The following OTUD1 variants were observed in gnomAD, a reference collection of about 807,000 sequenced individuals.
The protein encoded by OTUD1 is OTU domain-containing protein 1.
Under a neutral mutation model 30.0 loss-of-function variants are expected in OTUD1, and 15 were observed. The ratio of observed to expected loss-of-function variants is 0.50; its 90% confidence interval spans 0.33 to 0.77. OTUD1 has a LOEUF of 0.77. OTUD1 is among the 30% of genes least tolerant of loss of function. The pLI, the probability that OTUD1 is intolerant of heterozygous loss-of-function variation, is 0.02. For synonymous variants in OTUD1, 381 were observed against 326.3 expected (o/e 1.17, Z -1.81); for missense variants, 796 against 697.8 (o/e 1.14, Z -1.59).
rs1847116334 is a variant in OTUD1 at position 23,440,525 on chromosome 10, CCT to C, written c.1069_1070del (p.Leu357AspfsTer2). ...IADHLDHFSP[L>X]IEGDVGEFII... Reference sequence around the variant, plus strand: ...CCGACCATCTCGACCACTTCAGCCCCCTGATTGAGGGCGACGTGGGGGAGTTT... The same window carrying C: ...CCGACCATCTCGACCACTTCAGCCCCGATTGAGGGCGACGTGGGGGAGTTT... On this transcript the variant is annotated frameshift_variant, in exon 1 of 1. Coordinates refer to ENST00000376495, the MANE Select transcript of OTUD1 (RefSeq NM_001145373.3). LOFTEE classifies it high-confidence loss of function. 6.4e-7 allele frequency: 1 copy of C among 1,551,752 alleles called. No homozygotes were observed. Among genetic ancestry groups the C allele is most frequent in the Non-Finnish European group, 8.7e-7 (1 of 1,147,012 alleles).
Position 23,441,211 on chromosome 10 carries a change from C to A in OTUD1, c.*308C>A, listed in dbSNP as rs1000744107. ...TTGTTCATTCCTGGTAGTCTATTTT[C>A]TATAAAAATGTATTTTTGCACAACA... On this transcript the variant is annotated 3_prime_UTR_variant, in exon 1 of 1. Coordinates refer to ENST00000376495, the MANE Select transcript of OTUD1 (RefSeq NM_001145373.3). 4.0e-5 allele frequency: 12 copies of A among 299,884 alleles called. No homozygotes were observed. The Admixed American group carries it at 4.7e-4, about 12-fold the overall frequency. 18.6% of individuals were successfully genotyped at this position (299,884 alleles called of 1,614,324 possible). A position where few individuals can be genotyped will look rare whatever the true frequency, so the allele number is the denominator to read the frequency against.
In OTUD1 at chr10:23,440,310, C is replaced by T; in HGVS notation, c.853C>T (p.Pro285Ser). The stretch of plus-strand genomic sequence containing the variant: ...GCCGGTGATCGTCTCCAGGTCGGAT[C>T]CCAGAGACGAGAAGCTGGCCCTATA... ...AEPVIVSRSD[P>S]RDEKLALYLA... is the part of the protein sequence containing the mutation. Residue 285 changes from proline to serine, a missense_variant, in exon 1 of 1, where the codon CCC (proline) becomes TCC (serine). Pro to Ser is a moderately conservative substitution (Grantham distance 74). Transcript: ENST00000376495. The T allele has an allele frequency of 1.3e-6, 2 of 1,551,016 alleles. No individual in the cohort carries two copies. Among genetic ancestry groups the T allele is most frequent in the Non-Finnish European group, 1.7e-6 (2 of 1,146,894 alleles).
chr10:23,440,038 G>A lies in OTUD1; in HGVS notation c.581G>A (p.Arg194Gln). ...ATREGPDRNF[R>Q]LSEHRQALAA... is the part of the protein sequence containing the mutation. Reference sequence around the variant, plus strand: ...CGGGAGGGGCCCGATCGGAACTTCCGACTGAGCGAGCACCGCCAGGCCCTG... The same window carrying A: ...CGGGAGGGGCCCGATCGGAACTTCCAACTGAGCGAGCACCGCCAGGCCCTG... Residue 194 changes from arginine to glutamine, a missense_variant, in exon 1 of 1, where the codon CGA (arginine) becomes CAA (glutamine). Physicochemically the swap from Arg to Gln is conservative, Grantham distance 43. Coordinates refer to ENST00000376495, the MANE Select transcript of OTUD1 (RefSeq NM_001145373.3). The A allele has an allele frequency of 2.8e-6, 4 of 1,450,174 alleles. No individual in the cohort carries two copies. Among genetic ancestry groups the A allele is most frequent in the Non-Finnish European group, 3.6e-6 (4 of 1,107,262 alleles). The allele number at this position is 1,450,174 out of a possible 1,614,324, so 89.8% of individuals were successfully genotyped here. A position where few individuals can be genotyped will look rare whatever the true frequency, so the allele number is the denominator to read the frequency against.
At position 23,440,021 on chromosome 10, in the gene OTUD1, G is replaced by A; in HGVS notation, c.564G>A (p.Gly188=). ...CGGGCTTGGACGCGACACGGGAGGG[G>A]CCCGATCGGAACTTCCGACTGAGCG... The part of the protein sequence containing the change: ...EPAGLDATRE[G]PDRNFRLSEH... Residue 188 remains glycine, a synonymous_variant, in exon 1 of 1, where the codon GGG becomes GGA. Coordinates refer to ENST00000376495, the MANE Select transcript of OTUD1 (RefSeq NM_001145373.3). The A allele has an allele frequency of 6.9e-7, 1 of 1,443,048 alleles. No homozygotes were observed. The highest frequency in any genetic ancestry group is 2.6e-5 in the Admixed American group (1 of 38,196). 89.4% of individuals were successfully genotyped at this position (1,443,048 alleles called of 1,614,324 possible). A position where few individuals can be genotyped will look rare whatever the true frequency, so the allele number is the denominator to read the frequency against.
rs973480551 is a variant in OTUD1, at chr10:23,440,812, C to G, written c.1355C>G (p.Thr452Ser). The G allele has an allele frequency of 3.9e-6, 6 of 1,552,082 alleles. No homozygotes were observed. In the African/African-American group the frequency reaches 6.8e-5, roughly 18 times the overall value. ...NPEYDNWCKQ[T>S]QVQRKRDEEL... is the part of the protein sequence containing the mutation. ...GAGTACGACAACTGGTGCAAACAAA[C>G]TCAAGTGCAAAGGAAACGCGACGAA... Residue 452 changes from threonine to serine, a missense_variant, in exon 1 of 1, where the codon ACT becomes AGT. Coordinates refer to ENST00000376495, the MANE Select transcript of OTUD1 (RefSeq NM_001145373.3).
In OTUD1 at chr10:23,439,990, A is replaced by G. The variant is rs1288333380; in HGVS notation, c.533A>G (p.Glu178Gly). 35 of 1,363,570 alleles carry G rather than the reference A, an allele frequency of 2.6e-5. No individual in the cohort carries two copies. Among genetic ancestry groups the G allele is most frequent in the South Asian group, 5.3e-5 (3 of 57,030 alleles). 84.5% of individuals were successfully genotyped at this position (1,363,570 alleles called of 1,614,324 possible). Residue 178 changes from glutamate to glycine, a missense_variant, in exon 1 of 1, where the codon GAG becomes GGG. Coordinates refer to ENST00000376495, the MANE Select transcript of OTUD1 (RefSeq NM_001145373.3). ...LEELLRPDCP[E>G]PAGLDATREG... ...GAGCTGCTGCGGCCCGACTGCCCCG[A>G]GCCCGCGGGCTTGGACGCGACACGG...
chr10:23,440,489 G>A lies in OTUD1; in HGVS notation c.1032G>A (p.Val344=). 6.4e-7 allele frequency: 1 copy of A among 1,551,718 alleles called. No individual in the cohort carries two copies. Among genetic ancestry groups the A allele is most frequent in the South Asian group, 1.2e-5 (1 of 84,070 alleles). The change falls in exon 1 of 1, where the codon GTG becomes GTA. Residue 344 remains valine, a synonymous_variant. Transcript: ENST00000376495. ...ACCGGGAGTTGAGGGAGCAGACGGT[G>A]CACTACATCGCCGACCATCTCGACC... ...SLHRELREQT[V]HYIADHLDHF... is the part of the protein sequence containing the mutation.
chr10:23,439,547 C>T lies in OTUD1; in HGVS notation c.90C>T (p.Thr30=), dbSNP rs1481952455. The T allele has an allele frequency of 8.7e-6, 12 of 1,384,920 alleles. No individual in the cohort carries two copies. Among genetic ancestry groups the T allele is most frequent in the Admixed American group, 2.9e-5 (1 of 34,642 alleles). The allele number at this position is 1,384,920 out of a possible 1,614,324, so 85.8% of individuals were successfully genotyped here. A position where few individuals can be genotyped will look rare whatever the true frequency, so the allele number is the denominator to read the frequency against. Reference sequence around the variant, plus strand: ...CCCCCGCGCCACCCGCCGCCGCTACCCCCTTCAAGGTCTCGCTGCAGCCCC... The same window carrying T: ...CCCCCGCGCCACCCGCCGCCGCTACTCCCTTCAAGGTCTCGCTGCAGCCCC... ...AAAPAPPAAA[T]PFKVSLQPPG... Residue 30 remains threonine, a synonymous_variant, in exon 1 of 1, where the codon ACC becomes ACT. Transcript: ENST00000376495.
In OTUD1 at chr10:23,440,707, C is replaced by T. The variant is rs1364735823; in HGVS notation, c.1250C>T (p.Ser417Phe). ...TMIHYLGPEDSLRPSIWLSWL... is the reference protein window; with the variant it reads ...TMIHYLGPEDFLRPSIWLSWL... ...ATTCATTATTTGGGCCCAGAGGATT[C>T]CCTGAGGCCTAGTATTTGGCTCAGT... The change falls in exon 1 of 1, where the codon TCC becomes TTC. Residue 417 changes from serine (S) to phenylalanine (F), a missense_variant. Coordinates refer to ENST00000376495, the MANE Select transcript of OTUD1 (RefSeq NM_001145373.3). 1 of 1,551,930 alleles carries T rather than the reference C, an allele frequency of 6.4e-7. No homozygotes were observed. Among genetic ancestry groups the T allele is most frequent in the Non-Finnish European group, 8.7e-7 (1 of 1,147,050 alleles).
chr10:23,440,088 G>A lies in OTUD1; in HGVS notation c.631G>A (p.Ala211Thr), dbSNP rs1023697340. ...ALAAAKHRGP[A>T]ATPGSPDPGP... Reference sequence around the variant, plus strand: ...GGCCGCCGCCAAGCACCGAGGCCCCGCGGCGACCCCGGGGAGCCCCGATCC... The same window carrying A: ...GGCCGCCGCCAAGCACCGAGGCCCCACGGCGACCCCGGGGAGCCCCGATCC... The change falls in exon 1 of 1, where the codon GCG becomes ACG. Residue 211 changes from alanine to threonine, a missense_variant. Coordinates refer to ENST00000376495, the MANE Select transcript of OTUD1 (RefSeq NM_001145373.3). The A allele has an allele frequency of 9.7e-6, 14 of 1,436,934 alleles. No individual in the cohort carries two copies. The highest frequency in any genetic ancestry group is 1.0e-5 in the Non-Finnish European group (11 of 1,102,962). The allele number at this position is 1,436,934 out of a possible 1,614,324, so 89.0% of individuals were successfully genotyped here.
Position 23,440,451 on chromosome 10 carries a change from G to A in OTUD1, c.994G>A (p.Asp332Asn). 6.4e-7 allele frequency: 1 copy of A among 1,551,744 alleles called. No individual in the cohort carries two copies. Among genetic ancestry groups the A allele is most frequent in the African/African-American group, 1.4e-5 (1 of 73,194 alleles). Reference protein sequence around the residue: ...YRAVSKTVYGDQSLHRELREQ... With the variant: ...YRAVSKTVYGNQSLHRELREQ... Reference sequence around the variant, plus strand: ...AGCTGTCAGCAAGACGGTGTATGGGGACCAGAGCCTGCACCGGGAGTTGAG... The same window carrying A: ...AGCTGTCAGCAAGACGGTGTATGGGAACCAGAGCCTGCACCGGGAGTTGAG... The change falls in exon 1 of 1, where the codon GAC becomes AAC. Residue 332 changes from aspartate (D) to asparagine (N), a missense_variant. By Grantham distance (23) the Asp-to-Asn change is conservative. Transcript: ENST00000376495.
rs1333517726 is a variant in OTUD1, at chr10:23,439,424, C to G, written c.-34C>G. The G allele has an allele frequency of 2.4e-6, 3 of 1,251,846 alleles. No individual in the cohort carries two copies. The highest frequency in any genetic ancestry group is 4.3e-5 in the Admixed American group (1 of 23,034). 77.5% of individuals were successfully genotyped at this position (1,251,846 alleles called of 1,614,324 possible). A position where few individuals can be genotyped will look rare whatever the true frequency, so the allele number is the denominator to read the frequency against. Reference sequence around the variant, plus strand: ...GTGTGTCCCCCGCTCCGGGGCTCGCCGCGCCTATAAGGGGCCGAGCGGCGG... The same window carrying G: ...GTGTGTCCCCCGCTCCGGGGCTCGCGGCGCCTATAAGGGGCCGAGCGGCGG... On this transcript the variant is annotated 5_prime_UTR_variant, in exon 1 of 1. Transcript: ENST00000376495.
Position 23,440,829 on chromosome 10 carries a change from C to T in OTUD1, c.1372C>T (p.Arg458Cys), listed in dbSNP as rs746204769. 4.5e-6 allele frequency: 7 copies of T among 1,552,056 alleles called. No homozygotes were observed. Among genetic ancestry groups the T allele is most frequent in the Admixed American group, 2.0e-5 (1 of 51,002 alleles). ...WCKQTQVQRK[R>C]DEELAKSMAI... The stretch of plus-strand genomic sequence containing the variant: ...CAAACAAACTCAAGTGCAAAGGAAA[C>T]GCGACGAAGAACTTGCCAAATCTAT... Residue 458 changes from arginine (R) to cysteine (C), a missense_variant, in exon 1 of 1, where the codon CGC becomes TGC. Physicochemically the swap from Arg to Cys is radical, Grantham distance 180 (BLOSUM62 -3). Transcript: ENST00000376495.
At position 23,440,896 on chromosome 10, in the gene OTUD1, G is replaced by A. The variant is rs1419981385; in HGVS notation, c.1439G>A (p.Cys480Tyr). 2.0e-5 allele frequency: 31 copies of A among 1,550,166 alleles called. No homozygotes were observed. Among genetic ancestry groups the A allele is most frequent in the Non-Finnish European group, 2.5e-5 (29 of 1,146,202 alleles). Reference sequence around the variant, plus strand: ...AAAATGTATATTGAACAAAATGCATGCTCTTGAAATGTCTCAAAACCTTAC... The same window carrying A: ...AAAATGTATATTGAACAAAATGCATACTCTTGAAATGTCTCAAAACCTTAC... ...LSKMYIEQNA[C>Y]S The change falls in exon 1 of 1, where the codon TGC becomes TAC. Residue 480 changes from cysteine (C) to tyrosine (Y), a missense_variant. Transcript: ENST00000376495.
rs1273535222 is a variant in OTUD1 at position 23,439,379 on chromosome 10, C to G, written c.-79C>G. ...GTTGGGTCACCGCGCTCCGCCGGCC[C>G]CCTCCCCCGGGCCCGGAGGGTGTGT... is the stretch of plus-strand genomic sequence containing the variant. On this transcript the variant is annotated 5_prime_UTR_variant, in exon 1 of 1. Coordinates refer to ENST00000376495, the MANE Select transcript of OTUD1 (RefSeq NM_001145373.3). 3.4e-6 allele frequency: 4 copies of G among 1,182,542 alleles called. No individual in the cohort carries two copies. Among genetic ancestry groups the G allele is most frequent in the Non-Finnish European group, 3.2e-6 (3 of 947,352 alleles). 73.3% of individuals were successfully genotyped at this position (1,182,542 alleles called of 1,614,324 possible).
Position 23,440,619 on chromosome 10 carries a change from C to T in OTUD1, c.1162C>T (p.Leu388=). The T allele has an allele frequency of 6.4e-7, 1 of 1,551,746 alleles. No individual in the cohort carries two copies. The highest frequency in any genetic ancestry group is 1.2e-5 in the South Asian group (1 of 84,068). The change falls in exon 1 of 1, where the codon CTG becomes TTG. Residue 388 remains leucine (L), a synonymous_variant. Transcript: ENST00000376495. ...YPELLAMGQM[L]NVNIHLTTGG... is the part of the protein sequence containing the mutation. ...GGAGTTGCTGGCCATGGGGCAGATG[C>T]TGAATGTGAATATCCATTTAACTAC...
Position 23,440,028 on chromosome 10 carries a change from C to T in OTUD1, c.571C>T (p.Arg191Trp). 1.4e-6 allele frequency: 2 copies of T among 1,446,310 alleles called. No individual in the cohort carries two copies. Among genetic ancestry groups the T allele is most frequent in the Admixed American group, 2.6e-5 (1 of 38,500 alleles). 89.6% of individuals were successfully genotyped at this position (1,446,310 alleles called of 1,614,324 possible). ...GGACGCGACACGGGAGGGGCCCGATCGGAACTTCCGACTGAGCGAGCACCG... is the reference window on the plus strand; with the variant it reads ...GGACGCGACACGGGAGGGGCCCGATTGGAACTTCCGACTGAGCGAGCACCG... The part of the protein sequence containing the change: ...GLDATREGPD[R>W]NFRLSEHRQA... The change falls in exon 1 of 1, where the codon CGG becomes TGG. Residue 191 changes from arginine to tryptophan, a missense_variant. Transcript: ENST00000376495.
In OTUD1 at chr10:23,439,388, G is replaced by C; in HGVS notation, c.-70G>C. 3 of 1,190,198 alleles carry C rather than the reference G, an allele frequency of 2.5e-6. No homozygotes were observed. Among genetic ancestry groups the C allele is most frequent in the East Asian group, 3.7e-5 (1 of 27,218 alleles). 73.7% of individuals were successfully genotyped at this position (1,190,198 alleles called of 1,614,324 possible). Reference sequence around the variant, plus strand: ...CCGCGCTCCGCCGGCCCCCTCCCCCGGGCCCGGAGGGTGTGTCCCCCGCTC... The same window carrying C: ...CCGCGCTCCGCCGGCCCCCTCCCCCCGGCCCGGAGGGTGTGTCCCCCGCTC... On this transcript the variant is annotated 5_prime_UTR_variant, in exon 1 of 1. Transcript: ENST00000376495.
rs1371043493 is a variant in OTUD1 at position 23,440,036 on chromosome 10, C to A, written c.579C>A (p.Phe193Leu). 3.4e-6 allele frequency: 5 copies of A among 1,450,536 alleles called. No individual in the cohort carries two copies. The highest frequency in any genetic ancestry group is 4.5e-6 in the Non-Finnish European group (5 of 1,107,536). 89.9% of individuals were successfully genotyped at this position (1,450,536 alleles called of 1,614,324 possible). A position where few individuals can be genotyped will look rare whatever the true frequency, so the allele number is the denominator to read the frequency against. Residue 193 changes from phenylalanine (F) to leucine (L), a missense_variant, in exon 1 of 1, where the codon TTC becomes TTA. By Grantham distance (22) the Phe-to-Leu change is conservative. Transcript: ENST00000376495. ...CACGGGAGGGGCCCGATCGGAACTTCCGACTGAGCGAGCACCGCCAGGCCC... is the reference window on the plus strand; with the variant it reads ...CACGGGAGGGGCCCGATCGGAACTTACGACTGAGCGAGCACCGCCAGGCCC... Reference protein sequence around the residue: ...DATREGPDRNFRLSEHRQALA... With the variant: ...DATREGPDRNLRLSEHRQALA...
Sources: gnomAD v4.1 joint callset for allele counts on GRCh38, gnomAD v4.1.1 for gene constraint, MANE v1.5 for transcripts, NCBI Gene and HGNC (gene_info 2026-07-23, HGNC 2026-07-21) for gene names.